STAR: variants seen among roughly 807,000 people sequenced by gnomAD.
STAR encodes steroidogenic acute regulatory protein, also known as steroidogenic acute regulatory protein, mitochondrial.
In STAR, 32 loss-of-function variants were observed where a neutral mutation model predicts 32.3. The ratio of observed to expected loss-of-function variants is 0.99; its 90% confidence interval spans 0.75 to 1.33. The LOEUF (loss-of-function observed/expected upper bound fraction) is 1.33, where lower values mean the gene tolerates loss of function less well. Ranked by LOEUF, STAR falls within the 40% of genes most tolerant of loss-of-function variation. The pLI, the probability that STAR is intolerant of heterozygous loss-of-function variation, is 0.00. For synonymous variants in STAR, 134 were observed against 140.5 expected (o/e 0.95, Z 0.33); for missense variants, 375 against 379.0 (o/e 0.99, Z 0.09).
Position 38,150,793 on chromosome 8 carries a change from C to A in STAR, c.26G>T (p.Cys9Phe), listed in dbSNP as rs757715614. 4 of 1,606,952 alleles carry A rather than the reference C, an allele frequency of 2.5e-6. No individual in the cohort carries two copies. In the Admixed American group the frequency reaches 6.7e-5, roughly 27 times the overall value. Residue 9 changes from cysteine (C) to phenylalanine (F), a missense_variant, in exon 1 of 7, where the codon TGC becomes TTC. Coordinates refer to ENST00000276449, the MANE Select transcript of STAR (RefSeq NM_000349.3). MLLATFKL[C>F]AGSSYRHMRN... ...CATGTGTCTGTAGGAGCTCCCAGCG[C>A]ACAGCTTGAATGTCGCTAGCAGCAT... is the stretch of plus-strand genomic sequence containing the variant.
intron 2 of STAR, 23 bp from the exon 3 acceptor site, chr8:38,148,350 AC>A: frequency 6.2e-7 from 1 of 1,613,550 alleles, no homozygotes; most frequent in Non-Finnish European, 8.5e-7. Context: ...CCGAGGAGAG[AC>A]AGAGCTTCCT....
At chr8:38,145,673 C>T (rs1013182094) in intron 5 of STAR, 39 of 565,922 alleles carry the variant, frequency 6.9e-5, no homozygotes, top group African/African-American at 6.2e-4. Flanking sequence ...GTCTACATTA[C>T]AGCTGTTCCT....
At chr8:38,145,813 T>C (rs1802558750) in intron 5 of STAR, 150 bp downstream of exon 5, 4 of 968,324 alleles carry the variant, frequency 4.1e-6, no homozygotes, top group Admixed American at 4.3e-5. Flanking sequence ...TGTCCCTCCT[T>C]TGGTAAATAA....
rs1200037926 is a variant in STAR, at chr8:38,144,724, A to G, written c.745-338T>C. On this transcript the variant is annotated intron_variant, in intron 6 of 6. Transcript: ENST00000276449. The stretch of plus-strand genomic sequence containing the variant: ...CATATAAGAGTTGAACTTTGCTGTG[A>G]GACAGAAGAGGGCCAGGCGCAGTGG... 2.9e-6 allele frequency: 3 copies of G among 1,021,604 alleles called. No individual in the cohort carries two copies. In the African/African-American group the frequency reaches 5.0e-5, roughly 17 times the overall value. The allele number at this position is 1,021,604 out of a possible 1,614,324, so 63.3% of individuals were successfully genotyped here. A position where few individuals can be genotyped will look rare whatever the true frequency, so the allele number is the denominator to read the frequency against.
chr8:38,146,151 C>T lies in STAR; in HGVS notation c.466-4G>A, dbSNP rs939761498. Reference sequence around the variant, plus strand: ...CTTTTCCGATCTTCTGCAGGACCTACCAGGCCATGGGGAACCAGAATCACG... The same window carrying T: ...CTTTTCCGATCTTCTGCAGGACCTATCAGGCCATGGGGAACCAGAATCACG... On this transcript the variant is annotated splice_polypyrimidine_tract_variant and splice_region_variant and intron_variant, in intron 4 of 6. Transcript: ENST00000276449. 17 of 1,613,874 alleles carry T rather than the reference C, an allele frequency of 1.1e-5. No individual in the cohort carries two copies. Among genetic ancestry groups the T allele is most frequent in the Non-Finnish European group, 1.4e-5 (17 of 1,179,882 alleles).
chr8:38,150,880 T>C lies in STAR; in HGVS notation c.-62A>G, dbSNP rs1802658129. The C allele has an allele frequency of 2.5e-6, 4 of 1,600,264 alleles. No homozygotes were observed. Among genetic ancestry groups the C allele is most frequent in the Non-Finnish European group, 3.4e-6 (4 of 1,179,750 alleles). On this transcript the variant is annotated 5_prime_UTR_variant, in exon 1 of 7. Transcript: ENST00000276449. ...CCGCTGCTGCTGCCGCCGCTGCTGC[T>C]GCCTCTTCTCTCAAGGGTGGTTCTT... is the stretch of plus-strand genomic sequence containing the variant.
At chr8:38,150,532 AG>A (rs1802649372) in intron 1 of STAR, among the ~76,000 whole-genome samples, 1 of 152,218 alleles carries the variant, frequency 6.6e-6, no homozygotes. Flanking sequence ...GGAGAAAAAA[AG>A]ATTGGAGTCC....
rs1477010144 is a variant in STAR at position 38,142,879 on chromosome 8, C to T, written c.*1394G>A. ...ACCATATTACCCCTTCTTCCAGCCA[C>T]TTCTCCCAGAATACTAAACTTTTAG... On this transcript the variant is annotated 3_prime_UTR_variant, in exon 7 of 7. Coordinates refer to ENST00000276449, the MANE Select transcript of STAR (RefSeq NM_000349.3). Among the ~76,000 whole-genome samples the T allele has an allele frequency of 6.6e-6, 1 of 152,170 alleles. No homozygotes were observed. Among genetic ancestry groups the T allele is most frequent in the East Asian group, 1.9e-4 (1 of 5,194 alleles).
intron 3 of STAR, 117 bp from the exon 4 acceptor site, chr8:38,146,564 T>G: frequency 8.5e-7 from 1 of 1,180,584 alleles, no homozygotes; most frequent in Non-Finnish European, 1.2e-6. Flanking sequence ...GATCACAAGG[T>G]CAGGAGTTCG....
In STAR at chr8:38,150,875, G is replaced by A; in HGVS notation, c.-57C>T. Reference sequence around the variant, plus strand: ...CGCTGCCGCTGCTGCTGCCGCCGCTGCTGCTGCCTCTTCTCTCAAGGGTGG... The same window carrying A: ...CGCTGCCGCTGCTGCTGCCGCCGCTACTGCTGCCTCTTCTCTCAAGGGTGG... On this transcript the variant is annotated 5_prime_UTR_variant, in exon 1 of 7. Transcript: ENST00000276449. 6.2e-7 allele frequency: 1 copy of A among 1,600,608 alleles called. No individual in the cohort carries two copies. The highest frequency in any genetic ancestry group is 1.7e-4 in the Middle Eastern group (1 of 6,004).
chr8:38,149,925 A>G lies in STAR; in HGVS notation c.64+830T>C, dbSNP rs1268756193. 2.6e-5 allele frequency among the ~76,000 whole-genome samples: 4 copies of G among 152,332 alleles called. No homozygotes were observed. In the East Asian group the frequency reaches 7.7e-4, roughly 29 times the overall value. On this transcript the variant is annotated intron_variant, in intron 1 of 6. Transcript: ENST00000276449. ...CACCTGAGGTCAGGAGTTCAAGACC[A>G]GTCTGGTCGACGTGGCGAAACCCTG... is the stretch of plus-strand genomic sequence containing the variant.
Position 38,146,499 on chromosome 8 carries a change from C to T in STAR, c.307-52G>A, listed in dbSNP as rs377712435. 29 of 1,594,550 alleles carry T rather than the reference C, an allele frequency of 1.8e-5. No homozygotes were observed. The African/African-American group carries it at 2.5e-4, about 14-fold the overall frequency. ...GTGGTTAGACAAAAATATTCTTGGC[C>T]GGGCATGGTGGTTCACGCCTATAAT... On this transcript the variant is annotated intron_variant, in intron 3 of 6. Transcript: ENST00000276449.
chr8:38,150,759 C>A lies in STAR; in HGVS notation c.60G>T (p.Met20Ile). The A allele has an allele frequency of 6.2e-7, 1 of 1,607,158 alleles. No individual in the cohort carries two copies. The highest frequency in any genetic ancestry group is 8.5e-7 in the Non-Finnish European group (1 of 1,179,980). Residue 20 changes from methionine (M) to isoleucine (I), a missense_variant, in exon 1 of 7, where the codon ATG (methionine) becomes ATT (isoleucine). By Grantham distance (10) the Met-to-Ile change is conservative. Coordinates refer to ENST00000276449, the MANE Select transcript of STAR (RefSeq NM_000349.3). Reference sequence around the variant, plus strand: ...CCTCCTTCCCGCAGCGCTCACCCTTCATGTTGCGCATGTGTCTGTAGGAGC... The same window carrying A: ...CCTCCTTCCCGCAGCGCTCACCCTTAATGTTGCGCATGTGTCTGTAGGAGC... ...AGSSYRHMRN[M>I]KGLRQQAVMA...
chr8:38,145,868 G>T, intron 5 of STAR, 95 bp downstream of exon 5: 1 of 1,518,560 alleles, frequency 6.6e-7, no homozygotes, highest in Non-Finnish European at 9.1e-7. Context: ...CCAAGGGTTG[G>T]TTTCTTGGAG....
chr8:38,150,328 G>A lies in STAR; in HGVS notation c.64+427C>T, dbSNP rs994753535. On this transcript the variant is annotated intron_variant, in intron 1 of 6. Transcript: ENST00000276449. ...GTGGGAGGATGGCTTGAGCCCATGAGTTTGAGGCTGCAGTGAGCTATGATT... is the reference window on the plus strand; with the variant it reads ...GTGGGAGGATGGCTTGAGCCCATGAATTTGAGGCTGCAGTGAGCTATGATT... Among the ~76,000 whole-genome samples, 3 of 152,020 alleles carry A rather than the reference G, an allele frequency of 2.0e-5. No individual in the cohort carries two copies. In the South Asian group the frequency reaches 6.2e-4, roughly 32 times the overall value.
chr8:38,143,919 C>T lies in STAR; in HGVS notation c.*354G>A, dbSNP rs1482008994. 2.9e-6 allele frequency: 1 copy of T among 349,848 alleles called. No homozygotes were observed. 21.7% of individuals were successfully genotyped at this position (349,848 alleles called of 1,614,324 possible). On this transcript the variant is annotated 3_prime_UTR_variant, in exon 7 of 7. Transcript: ENST00000276449. ...GCCCATAAAGCAAGACTTCTCAGGC[C>T]CTGTGGTTAGCATCCCCCACACCCA...
chr8:38,147,094 TCTC>T (rs1250443396), intron 3 of STAR, among the ~76,000 whole-genome samples: 1 of 151,984 alleles, frequency 6.6e-6, no homozygotes, highest in South Asian at 2.1e-4. Context: ...CTCAAGAAAT[TCTC>T]CTGCCTCGGC....
At chr8:38,150,318 G>A (rs1313593799) in intron 1 of STAR, among the ~76,000 whole-genome samples, 1 of 152,026 alleles carries the variant, frequency 6.6e-6, no homozygotes, top group African/African-American at 2.4e-5. Flanking sequence ...AGGATGGCTT[G>A]AGCCCATGAG....
chr8:38,148,058 A>G, intron 3 of STAR, 142 bp downstream of exon 3: 1 of 1,084,272 alleles, frequency 9.2e-7, no homozygotes, highest in Non-Finnish European at 1.3e-6. Context: ...ATTCTCGAGA[A>G]AGGAGAGTTC....
Sources: gnomAD v4.1 joint callset for allele counts (sites outside exome capture counted in the v4.1 genomes callset) on GRCh38, gnomAD v4.1.1 for gene constraint, MANE v1.5 for transcripts, NCBI Gene and HGNC (gene_info 2026-07-23, HGNC 2026-07-21) for gene names.